Variants in TPO observed in about 807,000 individuals in gnomAD.
TPO encodes the protein thyroid microsomal antigen.
In TPO, 78 loss-of-function variants were observed where a neutral mutation model predicts 96.9. That is an observed-to-expected ratio of 0.81 (90% CI 0.67 to 0.97). The LOEUF is 0.97. TPO is among the 50% of genes least tolerant of loss of function. The pLI is 0.00. For synonymous variants in TPO, 547 were observed against 538.0 expected, an observed-to-expected ratio of 1.02 and a Z score of -0.23; for missense variants, 1,252 against 1,274.8, an observed-to-expected ratio of 0.98 and a Z score of 0.27.
At chr2:1,405,470 T>C (rs1662237267) in intron 1 of TPO, among the ~76,000 whole-genome samples, 2 of 151,400 alleles carry the variant, frequency 1.3e-5, no homozygotes, top group African/African-American at 4.9e-5. Flanking sequence ...CACTGATCAG[T>C]TTCTCCATCC....
At chr2:1,402,287 A>G (rs13403150) in intron 1 of TPO, among the ~76,000 whole-genome samples, 66,479 of 152,010 alleles carry the variant, frequency 0.44, 15,249 homozygotes, top group Admixed American at 0.55. Context: ...GCAGATAGTG[A>G]AAGAGGAAGA....
At chr2:1,539,234 T>G (rs897015532) in intron 15 of TPO, among the ~76,000 whole-genome samples, 4 of 152,160 alleles carry the variant, frequency 2.6e-5, no homozygotes, top group Non-Finnish European at 4.4e-5. Context: ...ACACCTGACC[T>G]TCACTGAATT....
chr2:1,541,665 T>C (rs553914842), intron 16 of TPO: 3 of 152,442 alleles, frequency 2.0e-5, no homozygotes, highest in Non-Finnish European at 4.4e-5. Flanking sequence ...TTTTAAATGT[T>C]CTAACTGCCA....
intron 15 of TPO, among the ~76,000 whole-genome samples, chr2:1,521,468 C>G (rs1675253035): frequency 6.6e-6 from 1 of 152,084 alleles, no homozygotes; most frequent in South Asian, 2.1e-4. Context: ...TGCCCTCTTC[C>G]CCCAGGACCC....
chr2:1,386,315 G>A (rs1272867489), intron 1 of TPO, among the ~76,000 whole-genome samples: 1 of 152,146 alleles, frequency 6.6e-6, no homozygotes, highest in Non-Finnish European at 1.5e-5. Context: ...ACAGTGGGGT[G>A]TTAAAGTCTC....
intron 7 of TPO, among the ~76,000 whole-genome samples, chr2:1,475,405 G>A (rs901715945): frequency 1.3e-5 from 2 of 151,416 alleles, no homozygotes; most frequent in African/African-American, 4.8e-5. Flanking sequence ...GAGGCTCTCA[G>A]TGGAAGCGCT....
upstream of TPO, among the ~76,000 whole-genome samples, chr2:1,409,272 G>A (rs1433820879): frequency 6.6e-6 from 1 of 152,192 alleles, no homozygotes; most frequent in Non-Finnish European, 1.5e-5. Context: ...TTTGTGGTGT[G>A]AGAGAGCCCC....
At chr2:1,445,751 T>A (rs1666740135) in intron 5 of TPO, among the ~76,000 whole-genome samples, 1 of 106,600 alleles carries the variant, frequency 9.4e-6, no homozygotes, top group Non-Finnish European at 2.1e-5. Flanking sequence ...GGTACCATGT[T>A]GGAAGGGAAT....
At chr2:1,528,855 TC>T (rs1227195762) in intron 15 of TPO, among the ~76,000 whole-genome samples, 1 of 52,022 alleles carries the variant, frequency 1.9e-5, no homozygotes, top group Non-Finnish European at 3.5e-5. Context: ...CCTCCTCAAA[TC>T]CCCCACTGTG....
At chr2:1,506,524 T>C (rs553564993) in intron 14 of TPO, among the ~76,000 whole-genome samples, 5 of 152,348 alleles carry the variant, frequency 3.3e-5, no homozygotes, top group Admixed American at 6.5e-5. Flanking sequence ...TTCCTATTTC[T>C]TCACATCCTC....
chr2:1,437,773 G>C (rs1293545122), intron 5 of TPO, among the ~76,000 whole-genome samples: 1 of 152,216 alleles, frequency 6.6e-6, no homozygotes, highest in African/African-American at 2.4e-5. Context: ...AGCCTGTGCT[G>C]AACACAGAGA....
At chr2:1,404,972 C>T (rs1040231630) in intron 1 of TPO, among the ~76,000 whole-genome samples, 3 of 152,184 alleles carry the variant, frequency 2.0e-5, no homozygotes, top group Admixed American at 6.5e-5. Flanking sequence ...TTATTCACTT[C>T]ATTCTTTTAT....
intron 3 of TPO, among the ~76,000 whole-genome samples, chr2:1,428,997 C>T (rs1332935950): frequency 6.6e-6 from 1 of 152,150 alleles, no homozygotes; most frequent in East Asian, 1.9e-4. Context: ...CCTCAAAGTT[C>T]ATGACTATAT....
chr2:1,523,373 TCCCCAAATACCTCCCATTGTGTGCAAACA>T (rs1487510289), intron 15 of TPO, among the ~76,000 whole-genome samples: 5 of 95,126 alleles, frequency 5.3e-5, no homozygotes. Context: ...GTGTTCAACC[TCCCCAAATACCTCCCATTGTGTGCAAACA>T]CCCCAAATCC....
intron 4 of TPO, among the ~76,000 whole-genome samples, chr2:1,435,512 C>G (rs892970413): frequency 3.9e-5 from 6 of 152,060 alleles, no homozygotes; most frequent in African/African-American, 1.4e-4. Flanking sequence ...CTCAATTTCA[C>G]TGGTATCTTG....
chr2:1,540,655 C>T lies in TPO; in HGVS notation c.2680C>T (p.Leu894=). ...ISETGGGTPE[L]RCGKHQAVGT... is the part of the protein sequence containing the mutation. ...GGAGACAGGCGGAGGAACTCCCGAGCTGAGATGCGGAAAGCACCAGGCCGT... is the reference window on the plus strand; with the variant it reads ...GGAGACAGGCGGAGGAACTCCCGAGTTGAGATGCGGAAAGCACCAGGCCGT... Residue 894 remains leucine (L), a synonymous_variant, in exon 16 of 17, where the codon CTG becomes TTG. Transcript: ENST00000329066. 6.2e-7 allele frequency: 1 copy of T among 1,613,570 alleles called. No homozygotes were observed. Among genetic ancestry groups the T allele is most frequent in the Non-Finnish European group, 8.5e-7 (1 of 1,180,038 alleles).
intron 7 of TPO, among the ~76,000 whole-genome samples, chr2:1,463,429 G>T (rs966212341): frequency 6.6e-6 from 1 of 152,156 alleles, no homozygotes; most frequent in Non-Finnish European, 1.5e-5. Context: ...GAGTATTTAC[G>T]GTGGAGTGAG....
chr2:1,419,737 T>C (rs1663315131), intron 2 of TPO, among the ~76,000 whole-genome samples: 1 of 152,162 alleles, frequency 6.6e-6, no homozygotes, highest in Non-Finnish European at 1.5e-5. Flanking sequence ...ATGATTGTTC[T>C]TTTGCTGAGG....
At chr2:1,472,556 G>T (rs28910585) in intron 7 of TPO, among the ~76,000 whole-genome samples, 2 of 152,042 alleles carry the variant, frequency 1.3e-5, no homozygotes, top group Non-Finnish European at 2.9e-5. Flanking sequence ...CCAGTGGAGC[G>T]CCAAGCCATC....
Sources: gnomAD v4.1 joint callset for allele counts (sites outside exome capture counted in the v4.1 genomes callset) on GRCh38, gnomAD v4.1.1 for gene constraint, MANE v1.5 for transcripts, NCBI Gene and HGNC (gene_info 2026-07-23, HGNC 2026-07-21) for gene names.